RANBP2: variants seen among roughly 807,000 people sequenced by gnomAD.
The protein encoded by RANBP2 is E3 SUMO-protein ligase RanBP2.
In RANBP2, 57 loss-of-function variants were observed where a neutral mutation model predicts 303.6. The ratio of observed to expected loss-of-function variants is 0.19; its 90% CI spans 0.15 to 0.23. RANBP2 has a LOEUF of 0.23. RANBP2 is among the 10% of genes least tolerant of loss of function. The pLI, the probability that RANBP2 is intolerant of heterozygous loss-of-function variation, is 1.00. For synonymous variants in RANBP2, 1,167 were observed against 1,301.5 expected (o/e 0.90, Z 2.23); for missense variants, 3,138 against 3,780.8 (o/e 0.83, Z 4.46).
the RANBP2 span, among the ~76,000 whole-genome samples, chr2:109,031,245 G>A: frequency 2.6e-5 from 4 of 152,152 alleles, no homozygotes; most frequent in Admixed American, 2.0e-4. Flanking sequence ...GCAGTGAGGG[G>A]GGCCTGTTCC....
the RANBP2 span, among the ~76,000 whole-genome samples, chr2:109,473,848 C>A: frequency 6.6e-6 from 1 of 151,900 alleles, no homozygotes; most frequent in Non-Finnish European, 1.5e-5. Flanking sequence ...TTGGGGTGTC[C>A]CTGAACCGCT....
At chr2:109,681,847 G>A in the RANBP2 span, among the ~76,000 whole-genome samples, 1 of 152,362 alleles carries the variant, frequency 6.6e-6, no homozygotes, top group African/African-American at 2.4e-5. Context: ...GGCTCTTCCC[G>A]CTCAGCGGAG....
the RANBP2 span, among the ~76,000 whole-genome samples, chr2:108,921,693 G>C: frequency 6.6e-6 from 1 of 152,170 alleles, no homozygotes; most frequent in African/African-American, 2.4e-5. Flanking sequence ...TCTGGATTGA[G>C]ACCAGGGCAG....
At chr2:108,813,979 C>T in the RANBP2 span, among the ~76,000 whole-genome samples, 2 of 152,066 alleles carry the variant, frequency 1.3e-5, no homozygotes, top group Non-Finnish European at 2.9e-5. Flanking sequence ...GAGTTTGTTC[C>T]TTCATTCTTC....
the RANBP2 span, chr2:108,910,665 G>T: frequency 7.0e-7 from 1 of 1,435,814 alleles, no homozygotes; most frequent in Non-Finnish European, 9.8e-7. Flanking sequence ...GGTAAGCACA[G>T]TATGGTTCAG....
chr2:109,453,549 G>A, the RANBP2 span, among the ~76,000 whole-genome samples: 2 of 152,128 alleles, frequency 1.3e-5, no homozygotes, highest in African/African-American at 2.4e-5. Flanking sequence ...AATGGGCTGC[G>A]TGCAGTTGGC....
chr2:109,301,936 C>T, the RANBP2 span, among the ~76,000 whole-genome samples: 1 of 152,176 alleles, frequency 6.6e-6, no homozygotes, highest in Non-Finnish European at 1.5e-5. Flanking sequence ...CATTTTCTGC[C>T]CTCCTTCCCG....
chr2:109,016,637 G>T, the RANBP2 span, among the ~76,000 whole-genome samples: 2 of 152,230 alleles, frequency 1.3e-5, no homozygotes, highest in Non-Finnish European at 2.9e-5. Context: ...GGACCTGGCT[G>T]CAGGGAGCAG....
chr2:109,230,560 A>G, the RANBP2 span, among the ~76,000 whole-genome samples: 1 of 152,350 alleles, frequency 6.6e-6, no homozygotes, highest in South Asian at 2.1e-4. Context: ...AGCCTGGGCA[A>G]CAGAGAGAGA....
At chr2:109,454,062 G>A in the RANBP2 span, among the ~76,000 whole-genome samples, 54 of 152,168 alleles carry the variant, frequency 3.5e-4, no homozygotes, top group South Asian at 2.1e-4. Flanking sequence ...AAATACTATC[G>A]TATAATAATC....
chr2:109,209,923 A>G, the RANBP2 span, among the ~76,000 whole-genome samples: 3 of 152,146 alleles, frequency 2.0e-5, no homozygotes, highest in Admixed American at 6.6e-5. Context: ...CACTGCCACT[A>G]TTTCTGAGCA....
the RANBP2 span, among the ~76,000 whole-genome samples, chr2:109,734,838 A>G: frequency 1.3e-5 from 2 of 152,220 alleles, no homozygotes; most frequent in East Asian, 3.8e-4. Flanking sequence ...GGTCTCATGT[A>G]TATGGTCAAT....
the RANBP2 span, among the ~76,000 whole-genome samples, chr2:109,178,579 A>G: frequency 2.0e-5 from 3 of 152,200 alleles, no homozygotes; most frequent in Non-Finnish European, 2.9e-5. Flanking sequence ...TTGGACTCAA[A>G]TACGTTATTT....
chr2:109,374,859 C>T, the RANBP2 span, among the ~76,000 whole-genome samples: 6 of 152,310 alleles, frequency 3.9e-5, no homozygotes, highest in Non-Finnish European at 8.8e-5. Flanking sequence ...CCCATCAGCG[C>T]AGCTCAGGCC....
chr2:109,719,712 T>C, the RANBP2 span, among the ~76,000 whole-genome samples: 2 of 152,164 alleles, frequency 1.3e-5, no homozygotes, highest in South Asian at 2.1e-4. Context: ...GCCCATGAAT[T>C]ATATCTTAAT....
At chr2:109,612,510 T>C in the RANBP2 span, among the ~76,000 whole-genome samples, 1 of 152,226 alleles carries the variant, frequency 6.6e-6, no homozygotes, top group African/African-American at 2.4e-5. Context: ...TACAACTGCA[T>C]ATTAATCTAC....
chr2:109,051,566 G>A, the RANBP2 span, among the ~76,000 whole-genome samples: 4 of 152,234 alleles, frequency 2.6e-5, no homozygotes, highest in South Asian at 8.3e-4. Flanking sequence ...GTTGGCATAA[G>A]TGAGCCTTAG....
the RANBP2 span, chr2:108,894,790 A>G: frequency 6.6e-6 from 1 of 152,250 alleles, no homozygotes; most frequent in African/African-American, 2.4e-5. Context: ...TATATAAGGA[A>G]TAGCTCCCTA....
the RANBP2 span, among the ~76,000 whole-genome samples, chr2:108,998,215 T>A: frequency 6.6e-6 from 1 of 152,150 alleles, no homozygotes; most frequent in African/African-American, 2.4e-5. Flanking sequence ...GATCTCTTCT[T>A]CCTCTGTGAA....
Sources: gnomAD v4.1 joint callset for allele counts (sites outside exome capture counted in the v4.1 genomes callset) on GRCh38, gnomAD v4.1.1 for gene constraint, MANE v1.5 for transcripts, NCBI Gene and HGNC (gene_info 2026-07-23, HGNC 2026-07-21) for gene names.